The following SYNPR variants were observed in gnomAD, a reference collection of about 807,000 sequenced individuals.
SYNPR encodes the protein synaptoporin.
Under a neutral mutation model 32.9 loss-of-function variants are expected in SYNPR, and 23 were observed. The observed-to-expected ratio is 0.70, with a 90% CI of 0.50 to 0.99. SYNPR has a LOEUF of 0.99. SYNPR is among the 50% of genes least tolerant of loss of function. SYNPR has a pLI of 0.00. For synonymous variants in SYNPR, 146 were observed against 135.9 expected, an observed-to-expected ratio of 1.07 and a Z score of -0.52; for missense variants, 318 against 349.3, an observed-to-expected ratio of 0.91 and a Z score of 0.71.
At chr3:63,269,140 A>C (rs2086513704) in intron 3 of SYNPR, among the ~76,000 whole-genome samples, 1 of 152,232 alleles carries the variant, frequency 6.6e-6, no homozygotes, top group African/African-American at 2.4e-5. Flanking sequence ...TTGACCATGG[A>C]AAGGTGGGTG....
intron 2 of SYNPR, among the ~76,000 whole-genome samples, chr3:63,436,324 C>T (rs1400205420): frequency 7.4e-6 from 1 of 135,152 alleles, no homozygotes; most frequent in African/African-American, 2.7e-5. Flanking sequence ...TAATGCTATC[C>T]CTTCCCCCTC....
intron 2 of SYNPR, among the ~76,000 whole-genome samples, chr3:63,378,649 A>G (rs998199976): frequency 8.6e-5 from 13 of 151,924 alleles, no homozygotes; most frequent in African/African-American, 3.1e-4. Context: ...TTGCCTTTCC[A>G]CATAAAATCT....
intron 3 of SYNPR, among the ~76,000 whole-genome samples, chr3:63,495,664 C>G (rs1050072681): frequency 6.6e-6 from 1 of 152,122 alleles, no homozygotes; most frequent in Admixed American, 6.6e-5. Context: ...TTGTTTATAA[C>G]CACATTTTAA....
chr3:63,359,895 T>C (rs902197640), intron 2 of SYNPR, among the ~76,000 whole-genome samples: 4 of 152,204 alleles, frequency 2.6e-5, no homozygotes. Context: ...TTTGAAGTTA[T>C]GGGTAGCTTG....
chr3:63,208,857 T>C, the SYNPR span, among the ~76,000 whole-genome samples: 3 of 152,324 alleles, frequency 2.0e-5, no homozygotes, highest in Non-Finnish European at 4.4e-5. Context: ...CTAAAGGCTC[T>C]GAGAAATCCC....
At chr3:63,357,412 T>C (rs2087598380) in intron 2 of SYNPR, among the ~76,000 whole-genome samples, 1 of 152,206 alleles carries the variant, frequency 6.6e-6, no homozygotes, top group Non-Finnish European at 1.5e-5. Context: ...CTGCTTTTCT[T>C]CCATCTCAGC....
rs1194151691 is a variant in SYNPR, at chr3:63,596,178, GCCT to G, written c.409-12937_409-12935del. ...CTTCCTGCTCTCAGACACTGCCGCT[GCCT>G]CCTCCTCCTATTTTTTCTCTTCCTT... On this transcript the variant is annotated intron_variant, in intron 4 of 5. Coordinates refer to ENST00000478300, the MANE Select transcript of SYNPR (RefSeq NM_001130003.2). Among the ~76,000 whole-genome samples the G allele has an allele frequency of 1.0e-4, 15 of 150,650 alleles. No individual in the cohort carries two copies. In the South Asian group the frequency reaches 2.3e-3, roughly 23 times the overall value.
chr3:63,365,002 G>A (rs2087714484), intron 2 of SYNPR, among the ~76,000 whole-genome samples: 1 of 152,110 alleles, frequency 6.6e-6, no homozygotes, highest in Non-Finnish European at 1.5e-5. Context: ...TAAATGAAAA[G>A]GTTGACTTTG....
At chr3:63,409,926 C>T (rs2088439311) in intron 2 of SYNPR, among the ~76,000 whole-genome samples, 1 of 152,170 alleles carries the variant, frequency 6.6e-6, no homozygotes, top group Admixed American at 6.6e-5. Flanking sequence ...AATTCGTGTT[C>T]TCTTTCCCTG....
At chr3:63,217,686 G>A in the SYNPR span, among the ~76,000 whole-genome samples, 1 of 151,896 alleles carries the variant, frequency 6.6e-6, no homozygotes, top group Non-Finnish European at 1.5e-5. Context: ...GCTCACGCTG[G>A]GAGCTGTAGA....
At chr3:63,411,434 AGC>A (rs1183826005) in intron 2 of SYNPR, among the ~76,000 whole-genome samples, 1 of 152,192 alleles carries the variant, frequency 6.6e-6, no homozygotes, top group Admixed American at 6.5e-5. Flanking sequence ...GCATAATCTC[AGC>A]TCTCATACTA....
intron 4 of SYNPR, among the ~76,000 whole-genome samples, chr3:63,569,325 T>A (rs1451912888): frequency 6.6e-6 from 1 of 152,170 alleles, no homozygotes; most frequent in Non-Finnish European, 1.5e-5. Flanking sequence ...AAGTTTCTAA[T>A]TTTTTCCACA....
chr3:63,583,717 C>T (rs896159047), intron 4 of SYNPR, among the ~76,000 whole-genome samples: 4 of 152,062 alleles, frequency 2.6e-5, no homozygotes, highest in East Asian at 1.9e-4. Flanking sequence ...TAATGTTTTA[C>T]GTACCAAAGG....
At chr3:63,409,159 C>A (rs967701203) in intron 2 of SYNPR, among the ~76,000 whole-genome samples, 1 of 152,128 alleles carries the variant, frequency 6.6e-6, no homozygotes, top group Non-Finnish European at 1.5e-5. Flanking sequence ...TATTTTCATT[C>A]TCAAAAGCCC....
At chr3:63,318,553 AC>A (rs1006874163) in intron 2 of SYNPR, among the ~76,000 whole-genome samples, 11 of 151,886 alleles carry the variant, frequency 7.2e-5, no homozygotes, top group Non-Finnish European at 2.9e-5. Flanking sequence ...TATTGCTGAG[AC>A]TTTCCAGAGC....
chr3:63,370,755 G>C (rs1281311232), intron 2 of SYNPR, among the ~76,000 whole-genome samples: 1 of 152,192 alleles, frequency 6.6e-6, no homozygotes, highest in Non-Finnish European at 1.5e-5. Context: ...GCTGGAGACA[G>C]TAAGGAGTAA....
At chr3:63,410,986 G>C (rs2088457222) in intron 2 of SYNPR, among the ~76,000 whole-genome samples, 1 of 152,162 alleles carries the variant, frequency 6.6e-6, no homozygotes, top group Non-Finnish European at 1.5e-5. Context: ...TAGAAATTTG[G>C]CATTAAGCCC....
At chr3:63,337,715 T>C (rs1382549417) in intron 2 of SYNPR, among the ~76,000 whole-genome samples, 1 of 152,134 alleles carries the variant, frequency 6.6e-6, no homozygotes, top group East Asian at 1.9e-4. Flanking sequence ...ACAGAAGACA[T>C]GGAGTAATCT....
At chr3:63,367,927 G>A (rs933688302) in intron 2 of SYNPR, among the ~76,000 whole-genome samples, 9 of 152,154 alleles carry the variant, frequency 5.9e-5, no homozygotes, top group African/African-American at 1.2e-4. Context: ...TAGTATTGCC[G>A]TGATATTCTA....
Sources: allele counts gnomAD v4.1 joint callset (sites outside exome capture counted in the v4.1 genomes callset), GRCh38; gene constraint gnomAD v4.1.1; transcripts MANE v1.5; gene names NCBI Gene and HGNC (gene_info 2026-07-23, HGNC 2026-07-21).